TTC7A: variants seen among roughly 807,000 people sequenced by gnomAD.
The protein encoded by TTC7A is tetratricopeptide repeat domain 7A.
TTC7A carries 110 observed loss-of-function variants against 103.7 expected under a neutral mutation model. The ratio of observed to expected loss-of-function variants is 1.06; its 90% CI spans 0.91 to 1.24. TTC7A has a LOEUF of 1.24. Ranked by LOEUF, TTC7A falls within the 50% of genes most tolerant of loss-of-function variation. TTC7A has a pLI of 0.00. For synonymous variants in TTC7A, 521 were observed against 467.9 expected (o/e 1.11, Z -1.47); for missense variants, 1,340 against 1,116.3 (o/e 1.20, Z -2.86).
intron 1 of TTC7A, among the ~76,000 whole-genome samples, chr2:46,947,645 A>G (rs189481892): frequency 7.2e-5 from 11 of 152,288 alleles, no homozygotes; most frequent in Non-Finnish European, 1.6e-4. Context: ...TAAACCCAGG[A>G]GGTGGAGGTT....
chr2:46,934,808 T>A (rs112430224), intron 2 of TTC7A, among the ~76,000 whole-genome samples: 8 of 129,750 alleles, frequency 6.2e-5, no homozygotes, highest in African/African-American at 2.4e-4. Context: ...TTTTTTTTTT[T>A]TTTTTTTTTT....
intron 2 of TTC7A, among the ~76,000 whole-genome samples, chr2:46,932,551 G>A (rs984498056): frequency 1.3e-5 from 2 of 151,948 alleles, no homozygotes; most frequent in East Asian, 3.9e-4. Flanking sequence ...AACAAAAAAT[G>A]TTTTTAAAAG....
chr2:46,994,486 C>G lies in TTC7A; in HGVS notation c.973C>G (p.Arg325Gly), dbSNP rs777393270. Residue 325 changes from arginine to glycine, a missense_variant, in exon 7 of 20, where the codon CGG (arginine) becomes GGG (glycine). Coordinates refer to ENST00000319190, the MANE Select transcript of TTC7A (RefSeq NM_020458.4). ...GAGTTCTTTCGCCACTCAGGCCCTG[C>G]GGAAACCTCACCTCTATGAAGGAGA... is the stretch of plus-strand genomic sequence containing the variant. Reference protein sequence around the residue: ...EESSFATQALRKPHLYEGDNL... With the variant: ...EESSFATQALGKPHLYEGDNL... 3 of 1,613,978 alleles carry G rather than the reference C, an allele frequency of 1.9e-6. No individual in the cohort carries two copies. The highest frequency in any genetic ancestry group is 2.5e-6 in the Non-Finnish European group (3 of 1,179,952).
chr2:46,920,079 T>C (rs1178158226), intron 2 of TTC7A, among the ~76,000 whole-genome samples: 3 of 152,228 alleles, frequency 2.0e-5, no homozygotes, highest in Non-Finnish European at 4.4e-5. Flanking sequence ...TTGATGACCT[T>C]GTTTCTTCCG....
chr2:47,051,722 G>C, intron 17 of TTC7A, 24 bp from the exon 18 acceptor site: 1 of 1,600,578 alleles, frequency 6.2e-7, no homozygotes, highest in East Asian at 2.2e-5. Flanking sequence ...ACCACTGCTC[G>C]GCTCGTGCCC....
chr2:47,024,752 C>A (rs1558593353), intron 14 of TTC7A, among the ~76,000 whole-genome samples: 3 of 152,108 alleles, frequency 2.0e-5, no homozygotes, highest in Non-Finnish European at 4.4e-5. Flanking sequence ...TTCTCTGTGA[C>A]CCCCAAGCTA....
At chr2:47,001,385 G>A (rs1037984104) in intron 8 of TTC7A, among the ~76,000 whole-genome samples, 8 of 152,304 alleles carry the variant, frequency 5.3e-5, no homozygotes, top group South Asian at 4.1e-4. Context: ...CAGACTGGCC[G>A]ACTGAGGGAA....
intron 19 of TTC7A, chr2:47,066,219 C>G (rs558643007): frequency 6.6e-6 from 1 of 152,210 alleles, no homozygotes; most frequent in Non-Finnish European, 1.5e-5. Flanking sequence ...TTTATTGGTT[C>G]CCTCTTGCTG....
Position 46,918,022 on chromosome 2 carries a change from T to C in TTC7A, c.82+745T>C, listed in dbSNP as rs148049696. Among the ~76,000 whole-genome samples the C allele has an allele frequency of 1.2e-4, 19 of 152,334 alleles. 1 individual carries two copies. The East Asian group carries it at 3.7e-3, about 29-fold the overall frequency. ...ACCTAGTCCTGTGCTTTAGATACCA[T>C]TTATAAATAGATGACTCCAAAATAT... On this transcript the variant is annotated intron_variant, in intron 2 of 20. Transcript: ENST00000409245.
At chr2:46,978,397 A>C (rs1453970687) in intron 4 of TTC7A, 1 of 166,500 alleles carries the variant, frequency 6.0e-6, no homozygotes, top group Non-Finnish European at 1.3e-5. Context: ...CTAAGGACTA[A>C]ATGAGCTAAT....
intron 19 of TTC7A, among the ~76,000 whole-genome samples, chr2:47,063,315 G>A (rs1683937492): frequency 6.6e-6 from 1 of 152,232 alleles, no homozygotes; most frequent in African/African-American, 2.4e-5. Flanking sequence ...AATATGTGCA[G>A]TGCAATCCCA....
intron 15 of TTC7A, among the ~76,000 whole-genome samples, chr2:47,039,989 C>A (rs940786393): frequency 6.6e-6 from 1 of 152,204 alleles, no homozygotes; most frequent in South Asian, 2.1e-4. Flanking sequence ...TCTGTTAGGT[C>A]ACCTGAGTGC....
At chr2:46,948,187 G>A (rs1671100755) in intron 1 of TTC7A, among the ~76,000 whole-genome samples, 1 of 152,308 alleles carries the variant, frequency 6.6e-6, no homozygotes, top group South Asian at 2.1e-4. Context: ...CCAGCTGGGG[G>A]ACGGGGCCAG....
chr2:46,939,709 G>A (rs1670172950), upstream of TTC7A, among the ~76,000 whole-genome samples: 1 of 152,172 alleles, frequency 6.6e-6, no homozygotes, highest in Non-Finnish European at 1.5e-5. Flanking sequence ...GGAATGCCAG[G>A]CGTGGGGCAA....
intron 2 of TTC7A, among the ~76,000 whole-genome samples, chr2:46,918,605 C>A (rs1668941471): frequency 6.6e-6 from 1 of 152,186 alleles, no homozygotes; most frequent in Non-Finnish European, 1.5e-5. Flanking sequence ...AATTGGCTAA[C>A]TGGAGGTTAA....
At chr2:47,073,602 T>C (rs1397099534) in intron 19 of TTC7A, 100 bp from the exon 20 acceptor site, 4 of 991,230 alleles carry the variant, frequency 4.0e-6, no homozygotes, top group African/African-American at 3.2e-5. Context: ...CCTCTCGAGC[T>C]GATGGCTGCT....
At chr2:46,969,107 A>C (rs561696376) in intron 3 of TTC7A, among the ~76,000 whole-genome samples, 25 of 151,918 alleles carry the variant, frequency 1.6e-4, no homozygotes, top group African/African-American at 5.1e-4. Flanking sequence ...TTTTTGAATA[A>C]ATGAAATCAT....
chr2:47,010,068 T>G (rs1387798161), intron 10 of TTC7A, among the ~76,000 whole-genome samples: 2 of 152,034 alleles, frequency 1.3e-5, no homozygotes, highest in Non-Finnish European at 2.9e-5. Flanking sequence ...TTACCTGACT[T>G]CTCCGCATTT....
chr2:46,961,580 T>TAAATAAATAAATA (rs1553370931), intron 3 of TTC7A, among the ~76,000 whole-genome samples: 1 of 144,984 alleles, frequency 6.9e-6, no homozygotes, highest in African/African-American at 2.6e-5. Context: ...CCATCTCAAA[T>TAAATAAATAAATA]AAATAAATAA....
Sources: allele counts gnomAD v4.1 joint callset (sites outside exome capture counted in the v4.1 genomes callset), GRCh38; gene constraint gnomAD v4.1.1; transcripts MANE v1.5; gene names NCBI Gene and HGNC (gene_info 2026-07-23, HGNC 2026-07-21).